Variants in NUFIP1 observed in about 807,000 individuals in gnomAD.
NUFIP1 encodes nuclear FMR1 interacting protein 1.
NUFIP1 carries 38 observed loss-of-function variants against 56.2 expected under a neutral mutation model. The observed-to-expected ratio is 0.68, with a 90% CI of 0.52 to 0.89. The LOEUF is 0.89. Ranked by LOEUF, NUFIP1 falls within the 40% of genes least tolerant of loss-of-function variation. The probability of loss-of-function intolerance (pLI) is 0.00; values close to 1 mark genes in which losing one functional copy is unlikely to be tolerated. For missense variants in NUFIP1, 567 were observed against 605.8 expected (o/e 0.94, Z 0.67); for synonymous variants, 215 against 212.4 (o/e 1.01, Z -0.10).
At chr13:44,957,685 T>C (rs533523382) in intron 7 of NUFIP1, among the ~76,000 whole-genome samples, 1 of 152,064 alleles carries the variant, frequency 6.6e-6, no homozygotes, top group Non-Finnish European at 1.5e-5. Context: ...GATTAGTATA[T>C]ACTGAAATAC....
At chr13:44,970,034 G>A (rs186092909) in intron 5 of NUFIP1, among the ~76,000 whole-genome samples, 395 of 152,278 alleles carry the variant, frequency 2.6e-3, no homozygotes, top group Non-Finnish European at 4.6e-3. Flanking sequence ...CACAGTAAGC[G>A]TTGAAATAAA....
chr13:44,949,491 G>A (rs1413932216), intron 8 of NUFIP1, among the ~76,000 whole-genome samples: 4 of 152,076 alleles, frequency 2.6e-5, no homozygotes, highest in East Asian at 3.9e-4. Flanking sequence ...GTGAGCCACC[G>A]CGCCCGGCCT....
At chr13:44,943,706 A>T (rs754592131) in intron 8 of NUFIP1, 32 bp from the exon 9 acceptor site, 1 of 1,486,574 alleles carries the variant, frequency 6.7e-7, no homozygotes, top group Admixed American at 1.9e-5. Flanking sequence ...CACAAAAATA[A>T]ACAAAACAAA....
chr13:44,986,495 T>C (rs1041039439), intron 1 of NUFIP1, among the ~76,000 whole-genome samples: 1 of 151,770 alleles, frequency 6.6e-6, no homozygotes, highest in Non-Finnish European at 1.5e-5. Context: ...ATCGAGACCA[T>C]CCTGGCTAAC....
At chr13:44,954,425 G>A (rs1482248153) in intron 7 of NUFIP1, among the ~76,000 whole-genome samples, 2 of 152,096 alleles carry the variant, frequency 1.3e-5, no homozygotes, top group Non-Finnish European at 2.9e-5. Flanking sequence ...AGACTCCTTT[G>A]AAATCCTCGG....
At position 44,941,166 on chromosome 13, in the gene NUFIP1, T is replaced by C. The variant is rs1358375597; in HGVS notation, c.*40A>G. The C allele has an allele frequency of 1.5e-5, 16 of 1,038,728 alleles. No homozygotes were observed. Among genetic ancestry groups the C allele is most frequent in the Non-Finnish European group, 2.3e-5 (16 of 681,676 alleles). 64.3% of individuals were successfully genotyped at this position (1,038,728 alleles called of 1,614,324 possible). On this transcript the variant is annotated 3_prime_UTR_variant, in exon 10 of 10. Transcript: ENST00000379161. Reference sequence around the variant, plus strand: ...TCCTCTACTAACGAGGATGATACTGTTTCACATGCTTCAGTTATGTATGCT... The same window carrying C: ...TCCTCTACTAACGAGGATGATACTGCTTCACATGCTTCAGTTATGTATGCT...
intron 6 of NUFIP1, among the ~76,000 whole-genome samples, 178 bp from the exon 7 acceptor site, chr13:44,959,752 T>C (rs1231931285): frequency 1.3e-5 from 2 of 152,008 alleles, no homozygotes; most frequent in African/African-American, 2.4e-5. Flanking sequence ...GGGAAGCCTA[T>C]GATAGAACTT....
chr13:44,978,985 C>T (rs1372065668), intron 5 of NUFIP1, among the ~76,000 whole-genome samples: 1 of 152,014 alleles, frequency 6.6e-6, no homozygotes, highest in South Asian at 2.1e-4. Context: ...GAGCAACATA[C>T]AGTCCCATTA....
intron 1 of NUFIP1, among the ~76,000 whole-genome samples, chr13:44,984,783 T>C (rs562752472): frequency 1.3e-5 from 2 of 152,312 alleles, no homozygotes; most frequent in African/African-American, 4.8e-5. Flanking sequence ...TATGTATACA[T>C]GTGCCATACT....
intron 8 of NUFIP1, among the ~76,000 whole-genome samples, chr13:44,948,004 TAC>T (rs1870951619): frequency 6.6e-6 from 1 of 152,166 alleles, no homozygotes; most frequent in Admixed American, 6.6e-5. Context: ...CTTCCCATGT[TAC>T]AGATACATGT....
chr13:44,963,539 T>C (rs1871496258), intron 6 of NUFIP1, among the ~76,000 whole-genome samples: 1 of 152,206 alleles, frequency 6.6e-6, no homozygotes, highest in Non-Finnish European at 1.5e-5. Context: ...CTTTATTAGA[T>C]TAAAGAAATT....
chr13:44,980,142 T>A (rs1423187346), intron 3 of NUFIP1, among the ~76,000 whole-genome samples, 190 bp from the exon 4 acceptor site: 1 of 152,142 alleles, frequency 6.6e-6, no homozygotes, highest in African/African-American at 2.4e-5. Flanking sequence ...ACTCTCAGAG[T>A]ATGTGGCACA....
intron 5 of NUFIP1, among the ~76,000 whole-genome samples, chr13:44,973,634 G>T (rs1364409063): frequency 3.3e-5 from 5 of 152,164 alleles, no homozygotes; most frequent in Admixed American, 3.3e-4. Flanking sequence ...ATGCAAAGAA[G>T]TTCACCAACA....
chr13:44,984,317 C>T (rs1872305957), intron 1 of NUFIP1, among the ~76,000 whole-genome samples: 2 of 152,236 alleles, frequency 1.3e-5, no homozygotes, highest in South Asian at 4.1e-4. Flanking sequence ...CAGCCAAGTC[C>T]GTATTTCCAG....
intron 6 of NUFIP1, among the ~76,000 whole-genome samples, chr13:44,962,896 C>A (rs1040275594): frequency 6.6e-6 from 1 of 152,186 alleles, no homozygotes. Flanking sequence ...GGGCTGTAGC[C>A]TAAGAGCAAC....
intron 5 of NUFIP1, among the ~76,000 whole-genome samples, chr13:44,976,335 A>AAGGAGAAGAAGAAAGGAGAAAGG (rs1201186927): frequency 2.0e-5 from 3 of 151,664 alleles, no homozygotes; most frequent in Non-Finnish European, 4.4e-5. Context: ...AGAAAGGAGG[A>AAGGAGAAGAAGAAAGGAGAAAGG]AGGAGAAGAA....
chr13:44,965,834 A>G lies in NUFIP1; in HGVS notation c.827+10T>C. On this transcript the variant is annotated intron_variant, in intron 6 of 9. Coordinates refer to ENST00000379161, the MANE Select transcript of NUFIP1 (RefSeq NM_012345.3). ...CTCCTTTTCATTATTCATAAGCATAAGGAGCTTACCCATATTGTGTTGTTG... is the reference window on the plus strand; with the variant it reads ...CTCCTTTTCATTATTCATAAGCATAGGGAGCTTACCCATATTGTGTTGTTG... 6.6e-7 allele frequency: 1 copy of G among 1,521,056 alleles called. No individual in the cohort carries two copies. The highest frequency in any genetic ancestry group is 8.9e-7 in the Non-Finnish European group (1 of 1,118,568). 94.2% of individuals were successfully genotyped at this position (1,521,056 alleles called of 1,614,324 possible). A position where few individuals can be genotyped will look rare whatever the true frequency, so the allele number is the denominator to read the frequency against.
At chr13:44,950,352 A>G (rs1871047899) in intron 7 of NUFIP1, among the ~76,000 whole-genome samples, 1 of 152,174 alleles carries the variant, frequency 6.6e-6, no homozygotes, top group African/African-American at 2.4e-5. Context: ...TAATCCACCC[A>G]AAGTTTTTTT....
intron 8 of NUFIP1, among the ~76,000 whole-genome samples, chr13:44,948,141 CTT>C (rs61398364): frequency 1.3e-4 from 16 of 120,846 alleles, no homozygotes; most frequent in Admixed American, 2.5e-4. Context: ...ACTACATTTC[CTT>C]TTTTTTTTTT....
Sources: gnomAD v4.1 joint callset for allele counts (sites outside exome capture counted in the v4.1 genomes callset) on GRCh38, gnomAD v4.1.1 for gene constraint, MANE v1.5 for transcripts, NCBI Gene and HGNC (gene_info 2026-07-23, HGNC 2026-07-21) for gene names.